Variants in CCDC178 observed in about 807,000 individuals in gnomAD.
The protein encoded by CCDC178 is coiled-coil domain containing 178.
In CCDC178, 126 loss-of-function variants were observed where a neutral mutation model predicts 117.4. The observed-to-expected ratio is 1.07, with a 90% confidence interval of 0.93 to 1.24. CCDC178 has a LOEUF of 1.24. Ranked by LOEUF, CCDC178 falls within the 50% of genes most tolerant of loss-of-function variation. The pLI is 0.00. For missense variants in CCDC178, 1,030 were observed against 986.9 expected (o/e 1.04, Z -0.59); for synonymous variants, 283 against 313.4 (o/e 0.90, Z 1.02).
At chr18:32,952,849 C>T (rs1433568488) in intron 22 of CCDC178, among the ~76,000 whole-genome samples, 2 of 150,502 alleles carry the variant, frequency 1.3e-5, no homozygotes, top group African/African-American at 2.4e-5. Context: ...TCTCGGCTCA[C>T]TGCAAGCTCC....
intron 12 of CCDC178, among the ~76,000 whole-genome samples, chr18:33,281,626 C>A (rs1295508837): frequency 6.6e-6 from 1 of 151,848 alleles, no homozygotes; most frequent in Non-Finnish European, 1.5e-5. Flanking sequence ...AAATTCAATT[C>A]ATAAAGATGT....
intron 14 of CCDC178, among the ~76,000 whole-genome samples, chr18:33,253,805 A>T (rs2059644902): frequency 6.6e-6 from 1 of 151,860 alleles, no homozygotes; most frequent in Non-Finnish European, 1.5e-5. Flanking sequence ...CTGTATTCAA[A>T]TCCTGATTGC....
chr18:32,951,842 C>T (rs2144626952), intron 22 of CCDC178, among the ~76,000 whole-genome samples: 1 of 152,322 alleles, frequency 6.6e-6, no homozygotes, highest in East Asian at 1.9e-4. Context: ...AATGGGGGTA[C>T]AGGCATTGGG....
intron 22 of CCDC178, among the ~76,000 whole-genome samples, chr18:32,942,295 G>GA (rs1401501680): frequency 6.6e-6 from 1 of 151,998 alleles, no homozygotes; most frequent in African/African-American, 2.4e-5. Context: ...ATTCAGTGTA[G>GA]AACCAGCTAA....
In CCDC178 at chr18:33,143,905, G is replaced by A. The variant is rs1371487376; in HGVS notation, c.2239-50995C>T. Reference sequence around the variant, plus strand: ...TTAGATCTTGTATTAGGGCTTAGTAGAAAGGATATCTACTTAGAAATGCTT... The same window carrying A: ...TTAGATCTTGTATTAGGGCTTAGTAAAAAGGATATCTACTTAGAAATGCTT... On this transcript the variant is annotated intron_variant, in intron 20 of 22. Transcript: ENST00000383096. Among the ~76,000 whole-genome samples, 4 of 151,998 alleles carry A rather than the reference G, an allele frequency of 2.6e-5. No homozygotes were observed. In the East Asian group the frequency reaches 7.7e-4, roughly 29 times the overall value.
At chr18:33,409,186 G>A (rs1052430012) in intron 3 of CCDC178, among the ~76,000 whole-genome samples, 3 of 152,024 alleles carry the variant, frequency 2.0e-5, no homozygotes, top group African/African-American at 7.2e-5. Context: ...TTGGTTCAAG[G>A]GATCCTCCTA....
intron 20 of CCDC178, among the ~76,000 whole-genome samples, chr18:33,147,356 A>ATTTTT (rs575608507): frequency 3.2e-5 from 3 of 94,616 alleles, no homozygotes; most frequent in African/African-American, 9.4e-5. Context: ...TGCCTTTTTA[A>ATTTTT]TTTTTTTTTT....
At chr18:32,990,407 G>A (rs904350147) in intron 21 of CCDC178, among the ~76,000 whole-genome samples, 15 of 152,018 alleles carry the variant, frequency 9.9e-5, no homozygotes, top group South Asian at 2.1e-4. Flanking sequence ...AAGAATAGAC[G>A]TAGTAATCAA....
At chr18:33,183,802 C>CTCAT (rs1429851947) in intron 20 of CCDC178, among the ~76,000 whole-genome samples, 1 of 151,654 alleles carries the variant, frequency 6.6e-6, no homozygotes, top group Admixed American at 6.6e-5. Flanking sequence ...GTGGTTATTA[C>CTCAT]TCTTACTTCA....
intron 20 of CCDC178, among the ~76,000 whole-genome samples, chr18:33,187,371 C>A (rs971147143): frequency 4.6e-5 from 7 of 151,958 alleles, no homozygotes; most frequent in African/African-American, 1.4e-4. Context: ...CCTCTTTTTG[C>A]AATAGATGCA....
intron 21 of CCDC178, among the ~76,000 whole-genome samples, chr18:33,030,380 A>G (rs2056312183): frequency 6.6e-6 from 1 of 152,008 alleles, no homozygotes; most frequent in African/African-American, 2.4e-5. Context: ...ACGTAGGAGT[A>G]TGTAGTTGAA....
At chr18:33,088,470 A>AT (rs1359092231) in intron 21 of CCDC178, among the ~76,000 whole-genome samples, 1 of 149,084 alleles carries the variant, frequency 6.7e-6, no homozygotes, top group Non-Finnish European at 1.5e-5. Context: ...TCTTTCATTC[A>AT]TTTTGTGCTC....
In CCDC178 at chr18:33,324,058, AAT is replaced by A. The variant is rs373070919; in HGVS notation, c.880-427_880-426del. Among the ~76,000 whole-genome samples, 37 of 152,000 alleles carry A rather than the reference AAT, an allele frequency of 2.4e-4. No homozygotes were observed. The East Asian group carries it at 5.0e-3, about 21-fold the overall frequency. The stretch of plus-strand genomic sequence containing the variant: ...TGCCATTAAAAGTATGCACCAACCT[AAT>A]ATCTTAGTGTAATACTTCAAAATAT... On this transcript the variant is annotated intron_variant, in intron 10 of 22. Transcript: ENST00000383096.
At chr18:33,157,241 T>G (rs2058411916) in intron 20 of CCDC178, among the ~76,000 whole-genome samples, 1 of 152,208 alleles carries the variant, frequency 6.6e-6, no homozygotes, top group Non-Finnish European at 1.5e-5. Flanking sequence ...CTAGAAATAC[T>G]TCTGCCTTTG....
intron 11 of CCDC178, among the ~76,000 whole-genome samples, chr18:33,301,987 A>G (rs2062183402): frequency 6.6e-6 from 1 of 152,156 alleles, no homozygotes; most frequent in Non-Finnish European, 1.5e-5. Context: ...TTGAAATGTA[A>G]TCCCCAATGT....
intron 20 of CCDC178, among the ~76,000 whole-genome samples, chr18:33,115,700 G>A (rs1414301602): frequency 6.6e-6 from 1 of 151,948 alleles, no homozygotes; most frequent in African/African-American, 2.4e-5. Context: ...TTCCATTGCT[G>A]ATAGTCACTA....
At chr18:33,285,317 T>C (rs370822495) in intron 12 of CCDC178, among the ~76,000 whole-genome samples, 2 of 151,990 alleles carry the variant, frequency 1.3e-5, no homozygotes, top group East Asian at 3.8e-4. Context: ...AATTATGTTA[T>C]TAAATAAAAC....
At chr18:33,440,507 A>C (rs1286876393) in intron 1 of CCDC178, 146 bp downstream of exon 1, 2 of 151,970 alleles carry the variant, frequency 1.3e-5, no homozygotes, top group East Asian at 3.9e-4. Flanking sequence ...AGTCGACTCT[A>C]ACTCCCTCAG....
chr18:33,004,680 C>A (rs2055713312), intron 21 of CCDC178, among the ~76,000 whole-genome samples: 1 of 152,008 alleles, frequency 6.6e-6, no homozygotes, highest in Non-Finnish European at 1.5e-5. Flanking sequence ...AAGAGACAAC[C>A]CATCGGATGG....
Sources: allele counts gnomAD v4.1 joint callset (sites outside exome capture counted in the v4.1 genomes callset), GRCh38; gene constraint gnomAD v4.1.1; transcripts MANE v1.5; gene names NCBI Gene and HGNC (gene_info 2026-07-23, HGNC 2026-07-21).